Variants in OR14A2 observed in about 807,000 individuals in gnomAD.
OR14A2 encodes olfactory receptor 14A2.
For missense variants in OR14A2, 237 were observed against 152.9 expected (o/e 1.55, Z -2.90); for synonymous variants, 114 against 58.6 (o/e 1.95, Z -4.32).
the OR14A2 span, chr1:247,746,932 C>T: frequency 9.2e-5 from 14 of 152,072 alleles, no homozygotes; most frequent in East Asian, 3.9e-4. Flanking sequence ...TTGATATATC[C>T]TCCTACACAT....
At chr1:247,726,148 A>G (rs1660347914), upstream of OR14A2, among the ~76,000 whole-genome samples, 1 of 122,120 alleles carries the variant, frequency 8.2e-6, no homozygotes. Context: ...AGTCCCACCA[A>G]CAGTGGAAAA....
chr1:247,727,839 C>T (rs1479581339), upstream of OR14A2, among the ~76,000 whole-genome samples: 5 of 148,106 alleles, frequency 3.4e-5, no homozygotes, highest in African/African-American at 1.3e-4. Flanking sequence ...TGGATAAATT[C>T]CTCGACACAT....
At chr1:247,724,155 C>T, upstream of OR14A2, 1 of 558,556 alleles carries the variant, frequency 1.8e-6, no homozygotes, top group Non-Finnish European at 3.2e-6. Context: ...TATTGATATA[C>T]AAAAATATTC....
the OR14A2 span, among the ~76,000 whole-genome samples, chr1:247,737,893 T>C: frequency 1.3e-5 from 2 of 152,172 alleles, no homozygotes; most frequent in Non-Finnish European, 2.9e-5. Flanking sequence ...AATTAAATCC[T>C]TCCTAGAATA....
At chr1:247,738,210 CACA>C in the OR14A2 span, among the ~76,000 whole-genome samples, 1 of 152,140 alleles carries the variant, frequency 6.6e-6, no homozygotes, top group East Asian at 1.9e-4. Context: ...AAATTTCATT[CACA>C]ACATTTAATA....
At chr1:247,732,064 A>C in the OR14A2 span, among the ~76,000 whole-genome samples, 1 of 152,088 alleles carries the variant, frequency 6.6e-6, no homozygotes, top group Non-Finnish European at 1.5e-5. Context: ...AGTAGCTTCC[A>C]TTTCATTCAG....
At chr1:247,747,602 T>G in the OR14A2 span, among the ~76,000 whole-genome samples, 1 of 152,146 alleles carries the variant, frequency 6.6e-6, no homozygotes, top group Non-Finnish European at 1.5e-5. Flanking sequence ...GACCTCATGA[T>G]CCGCCCGCCT....
chr1:247,742,508 A>G, the OR14A2 span, among the ~76,000 whole-genome samples: 1 of 152,166 alleles, frequency 6.6e-6, no homozygotes, highest in South Asian at 2.1e-4. Context: ...TGTGTTCACC[A>G]CTGTGGAATG....
chr1:247,741,286 A>G, the OR14A2 span, among the ~76,000 whole-genome samples: 1 of 152,224 alleles, frequency 6.6e-6, no homozygotes, highest in Non-Finnish European at 1.5e-5. Context: ...GCCTGCATGG[A>G]AAGTTCATGC....
upstream of OR14A2, among the ~76,000 whole-genome samples, chr1:247,727,764 A>G (rs529623220): frequency 1.3e-5 from 2 of 149,526 alleles, no homozygotes; most frequent in East Asian, 3.9e-4. Flanking sequence ...CCACAGAAAT[A>G]CAAACTACCA....
the OR14A2 span, among the ~76,000 whole-genome samples, chr1:247,731,772 A>AT: frequency 5.3e-5 from 8 of 151,298 alleles, no homozygotes; most frequent in Non-Finnish European, 8.9e-5. Context: ...TTGAAAACAT[A>AT]TTTTTTTTTC....
the OR14A2 span, among the ~76,000 whole-genome samples, chr1:247,747,370 T>TC: frequency 6.6e-6 from 1 of 151,672 alleles, no homozygotes; most frequent in Admixed American, 6.6e-5. Flanking sequence ...TTTTTTTTTT[T>TC]TTTTTTTCTG....
At chr1:247,730,990 G>C in the OR14A2 span, among the ~76,000 whole-genome samples, 2 of 152,038 alleles carry the variant, frequency 1.3e-5, no homozygotes, top group Middle Eastern at 3.2e-3. Context: ...CTTGGGCACT[G>C]TTTAGTCCAA....
chr1:247,736,554 A>G, the OR14A2 span, among the ~76,000 whole-genome samples: 7 of 152,204 alleles, frequency 4.6e-5, no homozygotes, highest in Admixed American at 3.3e-4. Flanking sequence ...ATGTGAAATA[A>G]GGTGAAATAT....
chr1:247,730,127 T>A, the OR14A2 span, among the ~76,000 whole-genome samples: 2,528 of 152,170 alleles, frequency 0.017, 73 homozygotes, highest in African/African-American at 0.057. Flanking sequence ...TGTGAACATT[T>A]ATTAAATTAC....
the OR14A2 span, among the ~76,000 whole-genome samples, chr1:247,735,599 A>C: frequency 5.9e-5 from 9 of 152,200 alleles, no homozygotes; most frequent in Non-Finnish European, 1.3e-4. Context: ...GTGACCTCCC[A>C]GGAGAGTCCC....
chr1:247,728,864 A>G (rs1381170671), upstream of OR14A2, among the ~76,000 whole-genome samples: 1 of 152,140 alleles, frequency 6.6e-6, no homozygotes, highest in African/African-American at 2.4e-5. Flanking sequence ...CCCAGAATAA[A>G]AAGTTTAATT....
the OR14A2 span, among the ~76,000 whole-genome samples, chr1:247,745,636 C>A: frequency 1.3e-5 from 2 of 151,534 alleles, no homozygotes; most frequent in Non-Finnish European, 2.9e-5. Flanking sequence ...CCTACAGGAC[C>A]TAAATTTTCT....
chr1:247,725,128 G>A (rs559603500), upstream of OR14A2, among the ~76,000 whole-genome samples: 35 of 152,148 alleles, frequency 2.3e-4, 1 homozygote, highest in African/African-American at 8.4e-4. Context: ...GAGGCATTAA[G>A]ATAATACAAA....
Sources: gnomAD v4.1 joint callset for allele counts (sites outside exome capture counted in the v4.1 genomes callset) on GRCh38, gnomAD v4.1.1 for gene constraint, MANE v1.5 for transcripts, NCBI Gene and HGNC (gene_info 2026-07-23, HGNC 2026-07-21) for gene names.